Variants in ZNF536 observed in about 807,000 individuals in gnomAD.
The protein encoded by ZNF536 is zinc finger protein 536.
In ZNF536, 13 loss-of-function variants were observed where a neutral mutation model predicts 84.5. The ratio of observed to expected loss-of-function variants is 0.15; its 90% CI spans 0.10 to 0.24. The LOEUF (loss-of-function observed/expected upper bound fraction) is 0.24. Among genes scored for constraint, ZNF536 ranks in the 10% least tolerant of loss-of-function variants. The probability of loss-of-function intolerance (pLI) is 1.00; values close to 1 mark genes in which losing one functional copy is unlikely to be tolerated. For missense variants in ZNF536, 1,536 were observed against 1,747.5 expected (o/e 0.88, Z 2.16); for synonymous variants, 811 against 742.5 (o/e 1.09, Z -1.50).
intron 2 of ZNF536, among the ~76,000 whole-genome samples, chr19:30,303,533 T>C: frequency 6.6e-6 from 1 of 151,732 alleles, no homozygotes; most frequent in East Asian, 1.9e-4. Context: ...GATGGAGTCT[T>C]GCTCTGTTGC....
chr19:30,347,855 G>A (rs1378515477), intron 2 of ZNF536, among the ~76,000 whole-genome samples: 2 of 152,192 alleles, frequency 1.3e-5, no homozygotes, highest in Admixed American at 6.5e-5. Context: ...AAGTCTGTGT[G>A]CTTTGAAACA....
rs79691856 is a variant in ZNF536 at position 30,363,590 on chromosome 19, G to A, written c.-3+11106G>A. Among the ~76,000 whole-genome samples the A allele has an allele frequency of 9.0e-3, 1,365 of 152,156 alleles. 22 individuals carry two copies. The highest frequency in any genetic ancestry group is 0.031 in the African/African-American group (1,286 of 41,508). ...ACATCACAAACCACATCGCAAAGTA[G>A]AACACAACCAGTGCCACCTCCGAGA... On this transcript the variant is annotated intron_variant, in intron 3 of 5. Transcript: ENST00000585628.
chr19:30,503,287 G>T (rs2055024247), intron 2 of ZNF536, among the ~76,000 whole-genome samples: 1 of 152,074 alleles, frequency 6.6e-6, no homozygotes, highest in Non-Finnish European at 1.5e-5. Flanking sequence ...GAAAAACAAA[G>T]CCTTTACAAA....
At chr19:30,559,959 T>C (rs2046101518), downstream of ZNF536, among the ~76,000 whole-genome samples, 2 of 152,090 alleles carry the variant, frequency 1.3e-5, no homozygotes, top group Non-Finnish European at 1.5e-5. Flanking sequence ...ATTCTCATTC[T>C]CCTGCTTTTA....
chr19:30,423,415 TAGA>T (rs2051067419), intron 1 of ZNF536, among the ~76,000 whole-genome samples: 2 of 152,188 alleles, frequency 1.3e-5, no homozygotes, highest in South Asian at 2.1e-4. Context: ...ACAGTAATAA[TAGA>T]AGGAGACATT....
intron 1 of ZNF536, among the ~76,000 whole-genome samples, chr19:30,669,555 GCCCCGGAGAAT>G (rs1328746299): frequency 1.3e-5 from 2 of 152,202 alleles, no homozygotes; most frequent in East Asian, 3.9e-4. Flanking sequence ...CCTGTCCTCA[GCCCCGGAGAAT>G]CCCACTCTCC....
At chr19:30,299,328 T>C (rs1371379411) in intron 2 of ZNF536, among the ~76,000 whole-genome samples, 2 of 152,230 alleles carry the variant, frequency 1.3e-5, no homozygotes, top group Non-Finnish European at 2.9e-5. Flanking sequence ...TTATGAATCT[T>C]GCATGAATAT....
rs531063433 is a variant in ZNF536, at chr19:30,274,299, T to C, written c.-189-9773T>C. On this transcript the variant is annotated intron_variant, in intron 1 of 5. Transcript: ENST00000585628. ...AGATTATTTTGCTAAGCTCAGAATC[T>C]GCACTGCACAATAGAAATATAGTGC... is the stretch of plus-strand genomic sequence containing the variant. Among the ~76,000 whole-genome samples the C allele has an allele frequency of 8.5e-4, 130 of 152,392 alleles. 1 individual carries two copies. Among genetic ancestry groups the C allele is most frequent in the African/African-American group, 3.0e-3 (126 of 41,600 alleles).
intron 2 of ZNF536, among the ~76,000 whole-genome samples, chr19:30,466,418 G>C (rs908602478): frequency 3.3e-5 from 5 of 150,708 alleles, no homozygotes; most frequent in Non-Finnish European, 7.4e-5. Flanking sequence ...ACAAAAATCA[G>C]CTGGGTGTGA....
chr19:30,467,726 G>T (rs2053474042), intron 2 of ZNF536, among the ~76,000 whole-genome samples: 1 of 152,326 alleles, frequency 6.6e-6, no homozygotes, highest in Admixed American at 6.5e-5. Flanking sequence ...CTGTGCTATG[G>T]GGTCTGGACC....
intron 3 of ZNF536, among the ~76,000 whole-genome samples, chr19:30,360,405 GA>G (rs1239572369): frequency 2.0e-5 from 3 of 152,254 alleles, no homozygotes; most frequent in Admixed American, 2.0e-4. Context: ...GATAATTGCA[GA>G]ACGCCTGCAT....
At chr19:30,659,949 A>G (rs1451668268) in intron 1 of ZNF536, among the ~76,000 whole-genome samples, 1 of 88,654 alleles carries the variant, frequency 1.1e-5, no homozygotes, top group Non-Finnish European at 2.3e-5. Context: ...TGTTTGACAC[A>G]AGGGTGTGTG....
intron 3 of ZNF536, among the ~76,000 whole-genome samples, chr19:30,539,206 A>G (rs938137498): frequency 1.3e-5 from 2 of 152,170 alleles, no homozygotes; most frequent in African/African-American, 4.8e-5. Flanking sequence ...AAGATCCAAG[A>G]TCTGTAATTG....
intron 2 of ZNF536, among the ~76,000 whole-genome samples, chr19:30,455,257 T>A (rs992646245): frequency 2.0e-5 from 3 of 152,210 alleles, no homozygotes; most frequent in African/African-American, 7.2e-5. Context: ...TCAGGAATAA[T>A]CACTGTGAAC....
intron 1 of ZNF536, among the ~76,000 whole-genome samples, chr19:30,634,982 T>C (rs1164003228): frequency 6.6e-6 from 1 of 152,182 alleles, no homozygotes; most frequent in African/African-American, 2.4e-5. Flanking sequence ...TTTCTAACAC[T>C]CAGCTTATTT....
At chr19:30,617,333 C>CCTTTT (rs869192494) in intron 1 of ZNF536, among the ~76,000 whole-genome samples, 1 of 37,710 alleles carries the variant, frequency 2.7e-5, no homozygotes, top group Non-Finnish European at 5.9e-5. Context: ...GAATAGCTTA[C>CCTTTT]TTTTTTTTTT....
chr19:30,319,306 T>C (rs2046782772), intron 2 of ZNF536, among the ~76,000 whole-genome samples: 1 of 152,252 alleles, frequency 6.6e-6, no homozygotes, highest in Admixed American at 6.5e-5. Flanking sequence ...TTGCTACCAA[T>C]GTGACTATCT....
At chr19:30,324,398 T>G (rs2046956288) in intron 2 of ZNF536, among the ~76,000 whole-genome samples, 1 of 152,194 alleles carries the variant, frequency 6.6e-6, no homozygotes, top group African/African-American at 2.4e-5. Context: ...TTCTTTTTTA[T>G]TTCAGGTAGG....
chr19:30,529,110 C>A (rs113599367), intron 2 of ZNF536, among the ~76,000 whole-genome samples: 1 of 152,056 alleles, frequency 6.6e-6, no homozygotes, highest in Non-Finnish European at 1.5e-5. Flanking sequence ...TGCCTCCTAA[C>A]GCCTGAGTCA....
Sources: gnomAD v4.1 joint callset for allele counts (sites outside exome capture counted in the v4.1 genomes callset) on GRCh38, gnomAD v4.1.1 for gene constraint, MANE v1.5 for transcripts, NCBI Gene and HGNC (gene_info 2026-07-23, HGNC 2026-07-21) for gene names.